The following HMGB2 variants were observed in gnomAD, a reference collection of about 807,000 sequenced individuals.
The protein encoded by HMGB2 is high mobility group box 2, also known as high mobility group protein B2.
A neutral mutation model predicts 23.0 loss-of-function variants in HMGB2; 2 were observed. That is an observed-to-expected ratio of 0.09 (90% CI 0.04 to 0.27). The LOEUF (loss-of-function observed/expected upper bound fraction) is 0.27. Among genes scored for constraint, HMGB2 ranks in the 10% least tolerant of loss-of-function variants. The pLI, the probability that HMGB2 is intolerant of heterozygous loss-of-function variation, is 1.00. For missense variants in HMGB2, 178 were observed against 256.5 expected, an observed-to-expected ratio of 0.69 and a Z score of 2.09; for synonymous variants, 99 against 87.5, an observed-to-expected ratio of 1.13 and a Z score of -0.73.
rs1313670804 is a variant in HMGB2, at chr4:173,333,361, G to A, written c.150+139C>T. 5 of 1,364,448 alleles carry A rather than the reference G, an allele frequency of 3.7e-6. No homozygotes were observed. In the East Asian group the frequency reaches 1.2e-4, roughly 32 times the overall value. The allele number at this position is 1,364,448 out of a possible 1,614,324, so 84.5% of individuals were successfully genotyped here. A position where few individuals can be genotyped will look rare whatever the true frequency, so the allele number is the denominator to read the frequency against. ...TATAAGTAAAAACCTAAAATCGTCT[G>A]CCTGGAACTCTTAAGATATTCAGGT... On this transcript the variant is annotated intron_variant, in intron 2 of 4. Transcript: ENST00000296503. The surrounding 1 kb of genome is among the most constrained non-coding windows in gnomAD (Gnocchi z 4.6).
At chr4:173,332,364 TAA>T in intron 4 of HMGB2, 126 bp from the exon 5 acceptor site, 1 of 726,498 alleles carries the variant, frequency 1.4e-6, no homozygotes, top group Non-Finnish European at 2.2e-6. Context: ...GTAACCAGTC[TAA>T]GTTTTTAGAG....
At position 173,333,467 on chromosome 4, in the gene HMGB2, C is replaced by T; in HGVS notation, c.150+33G>A. The T allele has an allele frequency of 1.3e-6, 2 of 1,598,598 alleles. No homozygotes were observed. Among genetic ancestry groups the T allele is most frequent in the South Asian group, 1.1e-5 (1 of 88,218 alleles). Reference sequence around the variant, plus strand: ...CCCTCCTAGCCGAAAACCACACCTGCACCCCCTGAGCTCCGTCCCTCTCCT... The same window carrying T: ...CCCTCCTAGCCGAAAACCACACCTGTACCCCCTGAGCTCCGTCCCTCTCCT... On this transcript the variant is annotated intron_variant, in intron 2 of 4. Coordinates refer to ENST00000296503, the MANE Select transcript of HMGB2 (RefSeq NM_002129.4). The surrounding 1 kb of genome is among the most constrained non-coding windows in gnomAD (Gnocchi z 4.6).
rs770374441 is a variant in HMGB2, at chr4:173,333,681, G to A, written c.-20-12C>T. The A allele has an allele frequency of 7.0e-6, 11 of 1,565,912 alleles. No homozygotes were observed. The highest frequency in any genetic ancestry group is 4.6e-5 in the South Asian group (4 of 87,204). On this transcript the variant is annotated splice_polypyrimidine_tract_variant and intron_variant, in intron 1 of 4. Transcript: ENST00000296503. This position sits in a 1 kb window ranked among gnomAD's most constrained non-coding sequence, Gnocchi z 4.6. ...AGATCCGCGTCCACCTGACGGGGCCGAGGGGGGAGAGGGGAAGCCGGAGGG... is the reference window on the plus strand; with the variant it reads ...AGATCCGCGTCCACCTGACGGGGCCAAGGGGGGAGAGGGGAAGCCGGAGGG...
In HMGB2 at chr4:173,333,901, CCAG is replaced by C. The variant is rs1477761133; in HGVS notation, c.-20-235_-20-233del. On this transcript the variant is annotated intron_variant, in intron 1 of 4. Transcript: ENST00000296503. This position sits in a 1 kb window ranked among gnomAD's most constrained non-coding sequence, Gnocchi z 4.6. ...CCGGCCCGAGCGGCCGCGGCTCAGC[CCAG>C]CAAGTGGCTCCCGGGGCCCGAGACG... is the stretch of plus-strand genomic sequence containing the variant. The C allele has an allele frequency of 4.0e-6, 1 of 251,234 alleles. No homozygotes were observed. Among genetic ancestry groups the C allele is most frequent in the Non-Finnish European group, 7.5e-6 (1 of 132,666 alleles). The allele number at this position is 251,234 out of a possible 1,614,324, so 15.6% of individuals were successfully genotyped here. A position where few individuals can be genotyped will look rare whatever the true frequency, so the allele number is the denominator to read the frequency against.
At position 173,333,735 on chromosome 4, in the gene HMGB2, G is replaced by A; in HGVS notation, c.-20-66C>T. 7.9e-7 allele frequency: 1 copy of A among 1,269,802 alleles called. No homozygotes were observed. The highest frequency in any genetic ancestry group is 1.1e-6 in the Non-Finnish European group (1 of 935,410). The allele number at this position is 1,269,802 out of a possible 1,614,324, so 78.7% of individuals were successfully genotyped here. A position where few individuals can be genotyped will look rare whatever the true frequency, so the allele number is the denominator to read the frequency against. ...GCGCGGAGCCCGCAGCTGCCAGGGC[G>A]GGCGCTGGCGGGGCTCCGCTTCCCG... On this transcript the variant is annotated intron_variant, in intron 1 of 4. Coordinates refer to ENST00000296503, the MANE Select transcript of HMGB2 (RefSeq NM_002129.4). This position sits in a 1 kb window ranked among gnomAD's most constrained non-coding sequence, Gnocchi z 4.6.
In HMGB2 at chr4:173,333,473, CT is replaced by C. The variant is rs768377798; in HGVS notation, c.150+26del. 6.2e-7 allele frequency: 1 copy of C among 1,604,654 alleles called. No individual in the cohort carries two copies. The highest frequency in any genetic ancestry group is 1.7e-5 in the Admixed American group (1 of 59,488). On this transcript the variant is annotated intron_variant, in intron 2 of 4. Transcript: ENST00000296503. This position sits in a 1 kb window ranked among gnomAD's most constrained non-coding sequence, Gnocchi z 4.6. The stretch of plus-strand genomic sequence containing the variant: ...TAGCCGAAAACCACACCTGCACCCC[CT>C]GAGCTCCGTCCCTCTCCTGCCTCAC...
In HMGB2 at chr4:173,331,868, G is replaced by A. The variant is rs1738105480; in HGVS notation, c.*212C>T. 1.8e-6 allele frequency: 1 copy of A among 556,828 alleles called. No homozygotes were observed. 34.5% of individuals were successfully genotyped at this position (556,828 alleles called of 1,614,324 possible). A position where few individuals can be genotyped will look rare whatever the true frequency, so the allele number is the denominator to read the frequency against. ...TTAGGAACATTCAACATCAGAAGCT[G>A]TAAAATCTAACTGTATGAGTAGCCC... On this transcript the variant is annotated 3_prime_UTR_variant, in exon 5 of 5. Transcript: ENST00000296503.
In HMGB2 at chr4:173,331,733, T is replaced by A. The variant is rs1022458660; in HGVS notation, c.*347A>T. 1.9e-4 allele frequency: 34 copies of A among 176,636 alleles called. No individual in the cohort carries two copies. Among genetic ancestry groups the A allele is most frequent in the South Asian group, 1.2e-3 (7 of 5,800 alleles). The allele number at this position is 176,636 out of a possible 1,614,324, so 10.9% of individuals were successfully genotyped here. ...CATAATTTTATTACAAAATTTTTTT[T>A]AAAAAAACGAAATGCAACATCCTAA... On this transcript the variant is annotated 3_prime_UTR_variant, in exon 5 of 5. Coordinates refer to ENST00000296503, the MANE Select transcript of HMGB2 (RefSeq NM_002129.4).
rs561705565 is a variant in HMGB2, at chr4:173,333,599, G to A, written c.51C>T (p.Ala17=). The A allele has an allele frequency of 5.7e-5, 92 of 1,614,156 alleles. 2 individuals carry two copies. In the South Asian group the frequency reaches 9.2e-4, roughly 16 times the overall value. Residue 17 remains alanine, a synonymous_variant, in exon 2 of 5, where the codon GCC becomes GCT. Coordinates refer to ENST00000296503, the MANE Select transcript of HMGB2 (RefSeq NM_002129.4). The surrounding 1 kb of genome is among the most constrained non-coding windows in gnomAD (Gnocchi z 4.6). ...NKPRGKMSSY[A]FFVQTCREEH... ...CTTCCCGGCAGGTCTGCACGAAGAAGGCGTACGAGGACATTTTGCCCCGCG... is the reference window on the plus strand; with the variant it reads ...CTTCCCGGCAGGTCTGCACGAAGAAAGCGTACGAGGACATTTTGCCCCGCG...
At position 173,332,048 on chromosome 4, in the gene HMGB2, A is replaced by G. The variant is rs1447041521; in HGVS notation, c.*32T>C. On this transcript the variant is annotated 3_prime_UTR_variant, in exon 5 of 5. Transcript: ENST00000296503. ...AAAATAATTGCCTGAGCACACACACACATTCCACACGCATCATTAAAGGAT... is the reference window on the plus strand; with the variant it reads ...AAAATAATTGCCTGAGCACACACACGCATTCCACACGCATCATTAAAGGAT... The G allele has an allele frequency of 2.5e-6, 4 of 1,612,892 alleles. No homozygotes were observed. The Admixed American group carries it at 6.7e-5, about 27-fold the overall frequency.
rs1738086196 is a variant in HMGB2 at position 173,331,378 on chromosome 4, A to ATG, written c.*701_*702insCA. ...CGTATATATGTGTATATATATACAT[A>ATG]TATATATATATATATATGTATATAT... On this transcript the variant is annotated 3_prime_UTR_variant, in exon 5 of 5. Coordinates refer to ENST00000296503, the MANE Select transcript of HMGB2 (RefSeq NM_002129.4). Among the ~76,000 whole-genome samples the ATG allele has an allele frequency of 3.0e-5, 4 of 135,074 alleles. No homozygotes were observed. The South Asian group carries it at 8.7e-4, about 29-fold the overall frequency. 88.6% of individuals were successfully genotyped at this position (135,074 alleles called of 152,430 possible).
rs1340822515 is a variant in HMGB2, at chr4:173,333,755, TTCCCGCCCAAATCCGC to T, written c.-20-102_-20-87del. ...AGGGCGGGCGCTGGCGGGGCTCCGC[TTCCCGCCCAAATCCGC>T]TCCCGCCCTGCCCGCGCCCCCCTCC... On this transcript the variant is annotated intron_variant, in intron 1 of 4. Coordinates refer to ENST00000296503, the MANE Select transcript of HMGB2 (RefSeq NM_002129.4). This position sits in a 1 kb window ranked among gnomAD's most constrained non-coding sequence, Gnocchi z 4.6. 7 of 1,116,138 alleles carry T rather than the reference TTCCCGCCCAAATCCGC, an allele frequency of 6.3e-6. No individual in the cohort carries two copies. The highest frequency in any genetic ancestry group is 5.9e-5 in the Admixed American group (2 of 33,812). 69.1% of individuals were successfully genotyped at this position (1,116,138 alleles called of 1,614,324 possible).
intron 1 of HMGB2, 22 bp downstream of exon 1, chr4:173,334,250 G>A (rs1039469735): frequency 1.3e-5 from 2 of 152,210 alleles, no homozygotes; most frequent in Admixed American, 1.3e-4. Flanking sequence ...ACGAACCCGA[G>A]GGTATTGGAG....
Position 173,333,694 on chromosome 4 carries a change from G to A in HMGB2, c.-20-25C>T. ...CCTGACGGGGCCGAGGGGGGAGAGG[G>A]GAAGCCGGAGGGTCGGCGCGGAGCC... On this transcript the variant is annotated intron_variant, in intron 1 of 4. Coordinates refer to ENST00000296503, the MANE Select transcript of HMGB2 (RefSeq NM_002129.4). The surrounding 1 kb of genome is among the most constrained non-coding windows in gnomAD (Gnocchi z 4.6). 1.3e-6 allele frequency: 2 copies of A among 1,540,542 alleles called. No individual in the cohort carries two copies. Among genetic ancestry groups the A allele is most frequent in the Non-Finnish European group, 8.8e-7 (1 of 1,136,842 alleles).
At position 173,331,447 on chromosome 4, in the gene HMGB2, G is replaced by A. The variant is rs1033495615; in HGVS notation, c.*633C>T. 3.4e-5 allele frequency among the ~76,000 whole-genome samples: 5 copies of A among 145,602 alleles called. No homozygotes were observed. The highest frequency in any genetic ancestry group is 1.0e-4 in the African/African-American group (4 of 39,004). Reference sequence around the variant, plus strand: ...AACAATTTAGCTAATAAACAGAAACGTCAAGTACAAAACTTAACGTTCTGT... The same window carrying A: ...AACAATTTAGCTAATAAACAGAAACATCAAGTACAAAACTTAACGTTCTGT... On this transcript the variant is annotated 3_prime_UTR_variant, in exon 5 of 5. Coordinates refer to ENST00000296503, the MANE Select transcript of HMGB2 (RefSeq NM_002129.4).
At position 173,331,376 on chromosome 4, in the gene HMGB2, A is replaced by ATGTG. The variant is rs1553961327; in HGVS notation, c.*703_*704insCACA. Among the ~76,000 whole-genome samples, 5 of 6,554 alleles carry ATGTG rather than the reference A, an allele frequency of 7.6e-4. No individual in the cohort carries two copies. The highest frequency in any genetic ancestry group is 7.1e-3 in the Non-Finnish European group (5 of 702). The allele number at this position is 6,554 out of a possible 152,430, so 4.3% of individuals were successfully genotyped here. A position where few individuals can be genotyped will look rare whatever the true frequency, so the allele number is the denominator to read the frequency against. ...TACGTATATATGTGTATATATATACATATATATATATATATATATGTATAT... is the reference window on the plus strand; with the variant it reads ...TACGTATATATGTGTATATATATACATGTGTATATATATATATATATATGTATAT... On this transcript the variant is annotated 3_prime_UTR_variant, in exon 5 of 5. Transcript: ENST00000296503.
intron 4 of HMGB2, 78 bp downstream of exon 4, chr4:173,332,743 A>C: frequency 7.9e-7 from 1 of 1,259,220 alleles, no homozygotes; most frequent in South Asian, 1.4e-5. Context: ...ATACAAGATT[A>C]ACTAAATTTC....
intron 4 of HMGB2, 183 bp downstream of exon 4, chr4:173,332,638 A>G (rs984402131): frequency 8.2e-6 from 5 of 609,678 alleles, no homozygotes; most frequent in Non-Finnish European, 1.5e-5. Flanking sequence ...TAGTGCTACA[A>G]ACACTGGTTT....
chr4:173,332,266 T>A, intron 4 of HMGB2, 28 bp from the exon 5 acceptor site: 1 of 1,517,692 alleles, frequency 6.6e-7, no homozygotes, highest in Non-Finnish European at 8.9e-7. Context: ...AAATAAAGCA[T>A]CCGGTATCAT....
Sources: allele counts gnomAD v4.1 joint callset (sites outside exome capture counted in the v4.1 genomes callset), GRCh38; gene constraint gnomAD v4.1.1; non-coding constraint Gnocchi (gnomAD v3.1); transcripts MANE v1.5; gene names NCBI Gene and HGNC (gene_info 2026-07-23, HGNC 2026-07-21).